IL17RD: variants seen among roughly 807,000 people sequenced by gnomAD.
IL17RD encodes interleukin 17 receptor D.
Under a neutral mutation model 80.5 loss-of-function variants are expected in IL17RD, and 52 were observed. The observed-to-expected ratio is 0.65, with a 90% CI of 0.52 to 0.81. The LOEUF (loss-of-function observed/expected upper bound fraction) is 0.81, where lower values mean the gene tolerates loss of function less well. Among genes scored for constraint, IL17RD ranks in the 40% least tolerant of loss-of-function variants. IL17RD has a pLI of 0.00. For missense variants in IL17RD, 1,024 were observed against 955.1 expected (o/e 1.07, Z -0.95); for synonymous variants, 416 against 391.8 (o/e 1.06, Z -0.73).
chr3:57,140,087 G>A (rs1227359008), intron 1 of IL17RD, among the ~76,000 whole-genome samples: 1 of 152,092 alleles, frequency 6.6e-6, no homozygotes, highest in African/African-American at 2.4e-5. Flanking sequence ...TACCGAGCCG[G>A]GCACCTTAGA....
chr3:57,097,769 G>C lies in IL17RD; in HGVS notation c.1934C>G (p.Pro645Arg). 1 of 1,603,480 alleles carries C rather than the reference G, an allele frequency of 6.2e-7. No individual in the cohort carries two copies. The highest frequency in any genetic ancestry group is 8.5e-7 in the Non-Finnish European group (1 of 1,174,528). The stretch of plus-strand genomic sequence containing the variant: ...GCCGGCTTTCACCGTGTGCAGCAGG[G>C]GTTGCAGGGCGGCGCTACCGTCAAG... Reference protein sequence around the residue: ...PALDGSAALQPLLHTVKAGSP... With the variant: ...PALDGSAALQRLLHTVKAGSP... The change falls in exon 12 of 13, where the codon CCC becomes CGC. Residue 645 changes from proline to arginine, a missense_variant. Coordinates refer to ENST00000296318, the MANE Select transcript of IL17RD (RefSeq NM_017563.5).
intron 2 of IL17RD, among the ~76,000 whole-genome samples, chr3:57,118,914 T>G (rs1315947799): frequency 6.6e-6 from 1 of 152,124 alleles, no homozygotes; most frequent in Non-Finnish European, 1.5e-5. Flanking sequence ...CTCACAGAAC[T>G]GATAGGTGGG....
At chr3:57,107,892 T>G (rs1453617473) in intron 5 of IL17RD, among the ~76,000 whole-genome samples, 1 of 152,104 alleles carries the variant, frequency 6.6e-6, no homozygotes, top group African/African-American at 2.4e-5. Flanking sequence ...TGGAATGCCT[T>G]TAGAACAGGG....
In IL17RD at chr3:57,092,331, G is replaced by C. The variant is rs1298764125; in HGVS notation, c.*4062C>G. On this transcript the variant is annotated 3_prime_UTR_variant, in exon 13 of 13. Transcript: ENST00000296318. ...AGGCCGGGCGCAGTGGCTCACGCCT[G>C]TAATCCCAGCACTTTGGGAGGCCGA... 6.5e-6 allele frequency: 1 copy of C among 152,760 alleles called. No homozygotes were observed. Among genetic ancestry groups the C allele is most frequent in the African/African-American group, 2.4e-5 (1 of 41,470 alleles). 9.5% of individuals were successfully genotyped at this position (152,760 alleles called of 1,614,324 possible). A position where few individuals can be genotyped will look rare whatever the true frequency, so the allele number is the denominator to read the frequency against.
Position 57,097,951 on chromosome 3 carries a change from C to T in IL17RD, c.1752G>A (p.Ser584=), listed in dbSNP as rs1253291528. 6.2e-7 allele frequency: 1 copy of T among 1,614,016 alleles called. No homozygotes were observed. The highest frequency in any genetic ancestry group is 8.5e-7 in the Non-Finnish European group (1 of 1,179,890). Residue 584 remains serine, a synonymous_variant, in exon 12 of 13, where the codon TCG becomes TCA. Coordinates refer to ENST00000296318, the MANE Select transcript of IL17RD (RefSeq NM_017563.5). ...YREPVLEKFD[S]GLVLNDVMCK... ...ACATGACATCATTTAAAACCAAGCCCGAATCAAATTTCTCCAAGACTGGCT... is the reference window on the plus strand; with the variant it reads ...ACATGACATCATTTAAAACCAAGCCTGAATCAAATTTCTCCAAGACTGGCT...
chr3:57,159,138 T>A (rs1472905542), intron 1 of IL17RD, among the ~76,000 whole-genome samples: 2 of 147,584 alleles, frequency 1.4e-5, no homozygotes, highest in Non-Finnish European at 3.0e-5. Context: ...TTTTTTTTTT[T>A]AAAGACACAT....
Position 57,146,045 on chromosome 3 carries a change from G to GCGCGCACACA in IL17RD, c.126+19115_126+19116insTGTGTGCGCG, listed in dbSNP as rs766646872. On this transcript the variant is annotated intron_variant, in intron 1 of 12. Coordinates refer to ENST00000296318, the MANE Select transcript of IL17RD (RefSeq NM_017563.5). ...CACACACACTCACGCGCGCGCGCGC[G>GCGCGCACACA]CACACACACACACACTGATGCATGC... 2.9e-3 allele frequency among the ~76,000 whole-genome samples: 443 copies of GCGCGCACACA among 151,240 alleles called. 4 individuals are homozygous for GCGCGCACACA. The East Asian group carries it at 0.044, about 15-fold the overall frequency.
At chr3:57,125,045 T>C (rs1415893391) in intron 1 of IL17RD, among the ~76,000 whole-genome samples, 1 of 152,256 alleles carries the variant, frequency 6.6e-6, no homozygotes, top group African/African-American at 2.4e-5. Context: ...TATGCAGATG[T>C]GTGTCTAAAC....
intron 1 of IL17RD, among the ~76,000 whole-genome samples, chr3:57,163,563 AAC>A (rs1361280589): frequency 1.3e-5 from 2 of 151,910 alleles, no homozygotes; most frequent in Non-Finnish European, 2.9e-5. Context: ...CTCAAAATAA[AAC>A]GCCTGTGATA....
chr3:57,106,074 C>G (rs755192742), intron 6 of IL17RD, 36 bp downstream of exon 6: 1 of 1,611,432 alleles, frequency 6.2e-7, no homozygotes, highest in Non-Finnish European at 8.5e-7. Context: ...AGTGGCGATA[C>G]TTTGAGACTT....
rs1213481137 is a variant in IL17RD at position 57,094,976 on chromosome 3, T to G, written c.*1417A>C. The G allele has an allele frequency of 6.6e-6, 1 of 152,588 alleles. No individual in the cohort carries two copies. Among genetic ancestry groups the G allele is most frequent in the East Asian group, 1.9e-4 (1 of 5,200 alleles). 9.5% of individuals were successfully genotyped at this position (152,588 alleles called of 1,614,324 possible). A position where few individuals can be genotyped will look rare whatever the true frequency, so the allele number is the denominator to read the frequency against. Reference sequence around the variant, plus strand: ...ACAAACCTTTTCTTTCCAGCAGGGGTGCAAGCCCCCCTTTCCCCACCTGCC... The same window carrying G: ...ACAAACCTTTTCTTTCCAGCAGGGGGGCAAGCCCCCCTTTCCCCACCTGCC... On this transcript the variant is annotated 3_prime_UTR_variant, in exon 13 of 13. Transcript: ENST00000296318.
rs1166781412 is a variant in IL17RD, at chr3:57,101,300, G to GAGCTCTCTCTC, written c.1042_1043insGAGAGAGAGCT (p.Pro348ArgfsTer28). 1 of 1,613,064 alleles carries GAGCTCTCTCTC rather than the reference G, an allele frequency of 6.2e-7. No individual in the cohort carries two copies. ...CGGCCGCGGCCGGAGCCTCTCTCTT[G>GAGCTCTCTCTC]GGAGTGCTGCAGTGTATGTGGAAGA... On this transcript the variant is annotated frameshift_variant, in exon 11 of 13. Transcript: ENST00000296318. LOFTEE classifies it high-confidence loss of function.
Position 57,097,992 on chromosome 3 carries a change from G to A in IL17RD, c.1711C>T (p.Pro571Ser). The A allele has an allele frequency of 1.2e-6, 2 of 1,614,062 alleles. No individual in the cohort carries two copies. The highest frequency in any genetic ancestry group is 1.7e-6 in the Non-Finnish European group (2 of 1,179,892). Residue 571 changes from proline to serine, a missense_variant, in exon 12 of 13, where the codon CCA (proline) becomes TCA (serine). Physicochemically the swap from Pro to Ser is moderately conservative, Grantham distance 74 (BLOSUM62 -1). Transcript: ENST00000296318. The part of the protein sequence containing the change: ...EKQFVPFHPP[P>S]LRYREPVLEK... The stretch of plus-strand genomic sequence containing the variant: ...AAGACTGGCTCCCGGTAGCGCAGTG[G>A]AGGAGGATGGAAGGGAACGAACTGC...
At chr3:57,167,578 A>G (rs1453511135), upstream of IL17RD, among the ~76,000 whole-genome samples, 1 of 152,212 alleles carries the variant, frequency 6.6e-6, no homozygotes, top group Non-Finnish European at 1.5e-5. Context: ...CAGCCTATAC[A>G]TGCTTTATAA....
intron 2 of IL17RD, among the ~76,000 whole-genome samples, chr3:57,116,893 A>T (rs554011839): frequency 1.3e-4 from 1 of 7,542 alleles, no homozygotes; most frequent in Non-Finnish European, 1.2e-3. Context: ...AAAATATTAA[A>T]AAAAAAAAAA....
intron 1 of IL17RD, among the ~76,000 whole-genome samples, chr3:57,142,835 G>T (rs776195543): frequency 6.6e-6 from 1 of 151,770 alleles, no homozygotes; most frequent in African/African-American, 2.4e-5. Context: ...TGTCAACATC[G>T]CATCCCAGTT....
At chr3:57,108,155 G>T (rs1253330596) in intron 5 of IL17RD, among the ~76,000 whole-genome samples, 1 of 151,744 alleles carries the variant, frequency 6.6e-6, no homozygotes, top group African/African-American at 2.4e-5. Flanking sequence ...CGCCTCCCGA[G>T]TTCAAGTGAT....
chr3:57,116,529 C>T (rs946875814), intron 2 of IL17RD, among the ~76,000 whole-genome samples: 1 of 152,078 alleles, frequency 6.6e-6, no homozygotes, highest in Admixed American at 6.6e-5. Context: ...AGGTGATCCA[C>T]CCACCTTGGC....
chr3:57,134,282 G>A (rs573826660), intron 1 of IL17RD: 3 of 681,258 alleles, frequency 4.4e-6, no homozygotes, highest in Admixed American at 1.8e-5. Flanking sequence ...AAGATGGGCT[G>A]ATCATCTACA....
Sources: gnomAD v4.1 joint callset for allele counts (sites outside exome capture counted in the v4.1 genomes callset) on GRCh38, gnomAD v4.1.1 for gene constraint, MANE v1.5 for transcripts, NCBI Gene and HGNC (gene_info 2026-07-23, HGNC 2026-07-21) for gene names.